AMZ1: variants seen among roughly 807,000 people sequenced by gnomAD.
The protein encoded by AMZ1 is archaemetzincin-1.
AMZ1 carries 39 observed loss-of-function variants against 29.9 expected under a neutral mutation model. The observed-to-expected ratio is 1.30, with a 90% confidence interval of 1.01 to 1.70. AMZ1 has a LOEUF of 1.70. Ranked by LOEUF, AMZ1 falls within the 40% of genes most tolerant of loss-of-function variation. The pLI, the probability that AMZ1 is intolerant of heterozygous loss-of-function variation, is 0.00. For synonymous variants in AMZ1, 458 were observed against 304.0 expected (o/e 1.51, Z -5.27); for missense variants, 1,041 against 680.6 (o/e 1.53, Z -5.89).
intron 4 of AMZ1, among the ~76,000 whole-genome samples, chr7:2,725,931 C>T (rs927457800): frequency 1.7e-5 from 2 of 116,718 alleles, no homozygotes; most frequent in African/African-American, 7.8e-5. Flanking sequence ...TGCAGTCCCC[C>T]CACCGACTCT....
intron 1 of AMZ1, among the ~76,000 whole-genome samples, chr7:2,693,926 C>T (rs1787555236): frequency 6.6e-6 from 1 of 152,218 alleles, no homozygotes; most frequent in African/African-American, 2.4e-5. Context: ...AGCACTTTTG[C>T]CACCTGCCTT....
In AMZ1 at chr7:2,713,404, G is replaced by C. The variant is rs1413492378; in HGVS notation, c.*526G>C. On this transcript the variant is annotated 3_prime_UTR_variant, in exon 7 of 7. Coordinates refer to ENST00000683327, the MANE Select transcript of AMZ1 (RefSeq NM_001384743.1). ...GTACAAGCCGGACTGTGCTGAGGTTGGGACAGAGCCCCCTCCCCTGCAGAG... is the reference window on the plus strand; with the variant it reads ...GTACAAGCCGGACTGTGCTGAGGTTCGGACAGAGCCCCCTCCCCTGCAGAG... The C allele has an allele frequency of 6.6e-6, 1 of 152,590 alleles. No individual in the cohort carries two copies. Among genetic ancestry groups the C allele is most frequent in the Non-Finnish European group, 1.5e-5 (1 of 68,234 alleles). The allele number at this position is 152,590 out of a possible 1,614,324, so 9.5% of individuals were successfully genotyped here. A position where few individuals can be genotyped will look rare whatever the true frequency, so the allele number is the denominator to read the frequency against.
chr7:2,725,381 G>A (rs2115255928), intron 4 of AMZ1, among the ~76,000 whole-genome samples: 1 of 152,378 alleles, frequency 6.6e-6, no homozygotes, highest in South Asian at 2.1e-4. Flanking sequence ...CTTCCAGGGA[G>A]CAGTGACCTG....
In AMZ1 at chr7:2,704,469, C is replaced by T. The variant is rs576863423; in HGVS notation, c.472+1580C>T. On this transcript the variant is annotated intron_variant, in intron 3 of 6. Coordinates refer to ENST00000683327, the MANE Select transcript of AMZ1 (RefSeq NM_001384743.1). Reference sequence around the variant, plus strand: ...TTCCCCTCTATCCTGGGTGACAGAACAAGACCCGATCATTAAAAAAAAATC... The same window carrying T: ...TTCCCCTCTATCCTGGGTGACAGAATAAGACCCGATCATTAAAAAAAAATC... Among the ~76,000 whole-genome samples, 37 of 117,264 alleles carry T rather than the reference C, an allele frequency of 3.2e-4. No homozygotes were observed. In the Middle Eastern group the frequency reaches 0.013, roughly 40 times the overall value. The allele number at this position is 117,264 out of a possible 152,430, so 76.9% of individuals were successfully genotyped here. A position where few individuals can be genotyped will look rare whatever the true frequency, so the allele number is the denominator to read the frequency against.
In AMZ1 at chr7:2,682,797, T is replaced by A. The variant is rs556969284; in HGVS notation, c.-219+3126T>A. Among the ~76,000 whole-genome samples, 494 of 136,380 alleles carry A rather than the reference T, an allele frequency of 3.6e-3. 3 individuals are homozygous for A. Among genetic ancestry groups the A allele is most frequent in the African/African-American group, 0.013 (465 of 35,978 alleles). The allele number at this position is 136,380 out of a possible 152,430, so 89.5% of individuals were successfully genotyped here. A position where few individuals can be genotyped will look rare whatever the true frequency, so the allele number is the denominator to read the frequency against. Reference sequence around the variant, plus strand: ...ATCTCTTCTCCAGCTTTTCTGACCCTGCCCCACTTCCTGCACCCATCTTTG... The same window carrying A: ...ATCTCTTCTCCAGCTTTTCTGACCCAGCCCCACTTCCTGCACCCATCTTTG... On this transcript the variant is annotated intron_variant, in intron 1 of 6. Coordinates refer to the AMZ1 transcript ENST00000312371.
chr7:2,700,451 C>A lies in AMZ1; in HGVS notation c.-1C>A. The A allele has an allele frequency of 6.3e-7, 1 of 1,596,048 alleles. No individual in the cohort carries two copies. Among genetic ancestry groups the A allele is most frequent in the Non-Finnish European group, 8.5e-7 (1 of 1,176,656 alleles). On this transcript the variant is annotated 5_prime_UTR_variant, in exon 2 of 7. Coordinates refer to ENST00000683327, the MANE Select transcript of AMZ1 (RefSeq NM_001384743.1). Reference sequence around the variant, plus strand: ...GAGTGGCCAGGCCCTGCCCGCCCACCATGCTGCAGTGTAGACCCGCACAGG... The same window carrying A: ...GAGTGGCCAGGCCCTGCCCGCCCACAATGCTGCAGTGTAGACCCGCACAGG...
At position 2,718,920 on chromosome 7, in the gene AMZ1, A is replaced by C. The variant is rs1380737865; in HGVS notation, c.*6042A>C. ...CACGCTTTTCTCAGGGTCGCTTAAC[A>C]CAGGCAGGGGTACAGGAGAGCTCCG... On this transcript the variant is annotated 3_prime_UTR_variant, in exon 7 of 7. Coordinates refer to ENST00000683327, the MANE Select transcript of AMZ1 (RefSeq NM_001384743.1). 6.6e-6 allele frequency among the ~76,000 whole-genome samples: 1 copy of C among 152,086 alleles called. No individual in the cohort carries two copies. The highest frequency in any genetic ancestry group is 1.5e-5 in the Non-Finnish European group (1 of 68,018).
At chr7:2,701,579 C>T (rs531490595) in intron 2 of AMZ1, among the ~76,000 whole-genome samples, 23 of 152,160 alleles carry the variant, frequency 1.5e-4, no homozygotes, top group Non-Finnish European at 2.6e-4. Context: ...GTGCGGGGAG[C>T]GCGAGGGGCA....
Position 2,718,424 on chromosome 7 carries a change from G to T in AMZ1, c.*5546G>T, listed in dbSNP as rs576506744. Among the ~76,000 whole-genome samples the T allele has an allele frequency of 9.2e-5, 14 of 152,346 alleles. No homozygotes were observed. The South Asian group carries it at 2.9e-3, about 32-fold the overall frequency. On this transcript the variant is annotated 3_prime_UTR_variant, in exon 7 of 7. Coordinates refer to ENST00000683327, the MANE Select transcript of AMZ1 (RefSeq NM_001384743.1). ...CGTTCAAGGGCCCTCACCGCGCTTT[G>T]TGAGTCTGTCTCGTGGGCCTCCTTC...
At chr7:2,738,751 C>A (rs1367316720) in intron 4 of AMZ1, among the ~76,000 whole-genome samples, 1 of 152,110 alleles carries the variant, frequency 6.6e-6, no homozygotes, top group Admixed American at 6.5e-5. Context: ...CAAAATTGAA[C>A]CCAAATTAAA....
intron 4 of AMZ1, among the ~76,000 whole-genome samples, chr7:2,740,404 G>C (rs1243987163): frequency 6.6e-6 from 1 of 152,116 alleles, no homozygotes; most frequent in Non-Finnish European, 1.5e-5. Context: ...TCCTATGTGA[G>C]GCACCAGGAC....
At chr7:2,680,250 G>A (rs1005759873) in intron 1 of AMZ1, among the ~76,000 whole-genome samples, 3 of 152,226 alleles carry the variant, frequency 2.0e-5, no homozygotes, top group East Asian at 1.9e-4. Flanking sequence ...TGCTGGTGGC[G>A]GTCTCACCAG....
At chr7:2,704,629 C>T (rs923138874) in intron 3 of AMZ1, among the ~76,000 whole-genome samples, 2 of 106,626 alleles carry the variant, frequency 1.9e-5, no homozygotes, top group African/African-American at 3.9e-5. Context: ...CGGAGTCTTG[C>T]TGTGTCACCC....
chr7:2,753,022 C>T (rs1445892364), intron 4 of AMZ1, among the ~76,000 whole-genome samples: 1 of 152,340 alleles, frequency 6.6e-6, no homozygotes, highest in Admixed American at 6.5e-5. Flanking sequence ...CTCCTTCTTC[C>T]ACCATCCCTA....
chr7:2,722,240 G>A (rs1789454530), downstream of AMZ1, among the ~76,000 whole-genome samples: 1 of 151,954 alleles, frequency 6.6e-6, no homozygotes, highest in Non-Finnish European at 1.5e-5. Context: ...GATGTGAGCT[G>A]GTTCAAATGG....
rs745639103 is a variant in AMZ1 at position 2,700,616 on chromosome 7, C to T, written c.165C>T (p.Phe55=). ...CCTACAACCCGCAGAGGACGCTCTT[C>T]TGCACCCTGCTCATCCGCACGGGCT... ...AEAYNPQRTL[F]CTLLIRTGFD... Residue 55 remains phenylalanine, a synonymous_variant, in exon 2 of 7, where the codon TTC becomes TTT. Coordinates refer to ENST00000683327, the MANE Select transcript of AMZ1 (RefSeq NM_001384743.1). 1.9e-6 allele frequency: 3 copies of T among 1,610,938 alleles called. No individual in the cohort carries two copies. The highest frequency in any genetic ancestry group is 2.2e-5 in the South Asian group (2 of 91,088).
chr7:2,747,367 A>G (rs113921871), intron 4 of AMZ1, among the ~76,000 whole-genome samples: 1 of 152,260 alleles, frequency 6.6e-6, no homozygotes, highest in Non-Finnish European at 1.5e-5. Flanking sequence ...CTGGTTCAAC[A>G]TATGCAAATC....
intron 1 of AMZ1, among the ~76,000 whole-genome samples, chr7:2,689,842 C>T (rs1787282001): frequency 6.6e-6 from 1 of 152,150 alleles, no homozygotes; most frequent in Non-Finnish European, 1.5e-5. Flanking sequence ...TGGTGAGTGC[C>T]AGAGGGTGCT....
At chr7:2,745,060 G>A (rs1191704453) in intron 4 of AMZ1, among the ~76,000 whole-genome samples, 4 of 152,230 alleles carry the variant, frequency 2.6e-5, no homozygotes, top group Non-Finnish European at 5.9e-5. Flanking sequence ...ACCTGAAAGT[G>A]ACAGGGAGAA....
Sources: gnomAD v4.1 joint callset for allele counts (sites outside exome capture counted in the v4.1 genomes callset) on GRCh38, gnomAD v4.1.1 for gene constraint, MANE v1.5 for transcripts, NCBI Gene and HGNC (gene_info 2026-07-23, HGNC 2026-07-21) for gene names.